The following PKIB variants were observed in gnomAD, a reference collection of about 807,000 sequenced individuals.
PKIB encodes the protein cAMP-dependent protein kinase inhibitor beta.
Under a neutral mutation model 4.5 loss-of-function variants are expected in PKIB, and 2 were observed. That is an observed-to-expected ratio of 0.44 (90% confidence interval 0.18 to 1.39). The LOEUF (loss-of-function observed/expected upper bound fraction) is 1.39, where lower values mean the gene tolerates loss of function less well. Among genes scored for constraint, PKIB ranks in the 40% most tolerant of loss-of-function variants. The pLI, the probability that PKIB is intolerant of heterozygous loss-of-function variation, is 0.27. For missense variants in PKIB, 94 were observed against 92.6 expected (o/e 1.02, Z -0.06); for synonymous variants, 38 against 36.0 (o/e 1.06, Z -0.20).
chr6:122,499,792 T>TAATTCTATA (rs1776172377), intron 2 of PKIB, among the ~76,000 whole-genome samples: 1 of 152,188 alleles, frequency 6.6e-6, no homozygotes, highest in African/African-American at 2.4e-5. Context: ...GCTGATGATC[T>TAATTCTATA]AATTCTATAC....
intron 2 of PKIB, among the ~76,000 whole-genome samples, chr6:122,576,450 C>T (rs1305981419): frequency 2.0e-5 from 3 of 151,784 alleles, no homozygotes; most frequent in Non-Finnish European, 4.4e-5. Context: ...AGGCGGATCA[C>T]GAGGTCAGGA....
chr6:122,624,031 T>G (rs1775340692), intron 1 of PKIB, among the ~76,000 whole-genome samples: 1 of 152,158 alleles, frequency 6.6e-6, no homozygotes, highest in Non-Finnish European at 1.5e-5. Context: ...ATTATAGATA[T>G]TTTTACTTAT....
At chr6:122,721,865 A>C (rs1183132851) in intron 4 of PKIB, among the ~76,000 whole-genome samples, 1 of 152,004 alleles carries the variant, frequency 6.6e-6, no homozygotes, top group African/African-American at 2.4e-5. Context: ...CAGAAGAACC[A>C]AGCCAGATAA....
At position 122,495,017 on chromosome 6, in the gene PKIB, C is replaced by T. The variant is rs1776038229; in HGVS notation, c.-248+17078C>T. On this transcript the variant is annotated intron_variant, in intron 2 of 6. Transcript: ENST00000392491. ...ACCCTTGGTGTCAACAGTTATAGCCCTGCTAGAGGATGCAGCCACAGTGCT... is the reference window on the plus strand; with the variant it reads ...ACCCTTGGTGTCAACAGTTATAGCCTTGCTAGAGGATGCAGCCACAGTGCT... Among the ~76,000 whole-genome samples, 3 of 152,216 alleles carry T rather than the reference C, an allele frequency of 2.0e-5. No homozygotes were observed. The South Asian group carries it at 6.2e-4, about 31-fold the overall frequency.
At chr6:122,630,033 C>T (rs937092046) in intron 1 of PKIB, among the ~76,000 whole-genome samples, 1 of 151,942 alleles carries the variant, frequency 6.6e-6, no homozygotes, top group African/African-American at 2.4e-5. Flanking sequence ...ATGTAAGATA[C>T]AAATAATAGG....
intron 2 of PKIB, among the ~76,000 whole-genome samples, chr6:122,543,833 A>G (rs181488173): frequency 7.2e-5 from 11 of 152,158 alleles, no homozygotes; most frequent in African/African-American, 2.4e-4. Flanking sequence ...AAACTAGTGA[A>G]CTTTCAACTC....
chr6:122,612,498 T>C (rs112188688), intron 1 of PKIB, among the ~76,000 whole-genome samples: 5 of 152,332 alleles, frequency 3.3e-5, no homozygotes, highest in African/African-American at 1.2e-4. Context: ...CTACTTTCAG[T>C]CTATAGATTT....
intron 2 of PKIB, among the ~76,000 whole-genome samples, chr6:122,492,949 T>C (rs923687786): frequency 1.3e-5 from 2 of 152,184 alleles, no homozygotes; most frequent in Admixed American, 1.3e-4. Context: ...TGACTTTTAT[T>C]ACTTCTACTC....
At chr6:122,546,552 C>T (rs1772499202) in intron 2 of PKIB, among the ~76,000 whole-genome samples, 2 of 151,946 alleles carry the variant, frequency 1.3e-5, no homozygotes, top group African/African-American at 2.4e-5. Flanking sequence ...GTAGACTTTT[C>T]GTGTTGTAAT....
chr6:122,659,855 G>A (rs1002236766), intron 2 of PKIB, among the ~76,000 whole-genome samples: 1 of 151,398 alleles, frequency 6.6e-6, no homozygotes, highest in Non-Finnish European at 1.5e-5. Flanking sequence ...TATATTTAGA[G>A]AACACAATTA....
intron 2 of PKIB, among the ~76,000 whole-genome samples, chr6:122,548,025 T>C (rs1301071294): frequency 6.6e-6 from 1 of 152,116 alleles, no homozygotes; most frequent in Non-Finnish European, 1.5e-5. Context: ...ACATAAACTT[T>C]GGGTACATAG....
intron 3 of PKIB, among the ~76,000 whole-genome samples, chr6:122,699,694 C>G (rs1156837747): frequency 2.0e-5 from 3 of 152,132 alleles, no homozygotes; most frequent in Non-Finnish European, 4.4e-5. Context: ...GGGGTGGAGG[C>G]AGAAGAGTCG....
chr6:122,723,941 G>A (rs1029995505), intron 4 of PKIB, among the ~76,000 whole-genome samples: 86 of 152,152 alleles, frequency 5.7e-4, no homozygotes, highest in African/African-American at 1.8e-3. Context: ...CTTGAGAGCC[G>A]GGATTCATGT....
chr6:122,552,223 A>G (rs1772693653), intron 2 of PKIB, among the ~76,000 whole-genome samples: 1 of 152,118 alleles, frequency 6.6e-6, no homozygotes, highest in South Asian at 2.1e-4. Flanking sequence ...TCAGGCTCCT[A>G]CAGTATGAGT....
chr6:122,510,696 T>C (rs1230253713), intron 2 of PKIB, among the ~76,000 whole-genome samples: 1 of 152,140 alleles, frequency 6.6e-6, no homozygotes, highest in Non-Finnish European at 1.5e-5. Context: ...GGGTGAAATA[T>C]ATCCTTTTTT....
chr6:122,689,253 T>G (rs1778228431), intron 3 of PKIB, among the ~76,000 whole-genome samples: 1 of 152,210 alleles, frequency 6.6e-6, no homozygotes, highest in Non-Finnish European at 1.5e-5. Flanking sequence ...TTTCTTCATT[T>G]CAATTCCATT....
intron 2 of PKIB, among the ~76,000 whole-genome samples, chr6:122,652,292 TTGTGTGTGTGTGTGTGTGTG>T (rs66695664): frequency 1.9e-4 from 27 of 141,944 alleles, no homozygotes; most frequent in African/African-American, 7.4e-4. Context: ...ATATGTTGGT[TTGTGTGTGTGTGTGTGTGTG>T]TGTGTGTGTG....
chr6:122,663,955 A>C (rs375163097), intron 2 of PKIB, among the ~76,000 whole-genome samples: 21 of 152,320 alleles, frequency 1.4e-4, no homozygotes, highest in East Asian at 9.6e-4. Context: ...ACTGAAAATT[A>C]GTATTTTAGC....
chr6:122,672,995 A>T (rs1308496268), intron 2 of PKIB, among the ~76,000 whole-genome samples: 1 of 152,040 alleles, frequency 6.6e-6, no homozygotes, highest in Non-Finnish European at 1.5e-5. Flanking sequence ...ATTAAATCTG[A>T]ATTTTTATGT....
Sources: allele counts gnomAD v4.1 joint callset (sites outside exome capture counted in the v4.1 genomes callset), GRCh38; gene constraint gnomAD v4.1.1; transcripts MANE v1.5; gene names NCBI Gene and HGNC (gene_info 2026-07-23, HGNC 2026-07-21).